PHAX: variants seen among roughly 807,000 people sequenced by gnomAD.
The protein encoded by PHAX is phosphorylated adaptor for RNA export.
A neutral mutation model predicts 41.6 loss-of-function variants in PHAX; 31 were observed. The ratio of observed to expected loss-of-function variants is 0.75; its 90% CI spans 0.56 to 1.01. PHAX has a LOEUF of 1.01. PHAX is among the 50% of genes least tolerant of loss of function. The probability of loss-of-function intolerance (pLI) is 0.00; values close to 1 mark genes in which losing one functional copy is unlikely to be tolerated. For missense variants in PHAX, 453 were observed against 472.9 expected, an observed-to-expected ratio of 0.96 and a Z score of 0.39; for synonymous variants, 175 against 164.9, an observed-to-expected ratio of 1.06 and a Z score of -0.47.
At chr5:126,610,200 C>T (rs569511830) in intron 3 of PHAX, among the ~76,000 whole-genome samples, 3 of 152,354 alleles carry the variant, frequency 2.0e-5, no homozygotes, top group Non-Finnish European at 2.9e-5. Flanking sequence ...GTTTGAGAAG[C>T]TCTTTACTGT....
chr5:126,615,876 C>T (rs904128601), intron 3 of PHAX, among the ~76,000 whole-genome samples: 8 of 151,928 alleles, frequency 5.3e-5, no homozygotes, highest in Admixed American at 2.0e-4. Flanking sequence ...CTTTATAAAA[C>T]GTAACTACCA....
chr5:126,608,008 G>A (rs1039992085), intron 2 of PHAX, among the ~76,000 whole-genome samples: 1 of 152,164 alleles, frequency 6.6e-6, no homozygotes, highest in Non-Finnish European at 1.5e-5. Flanking sequence ...GCTTTTAGGC[G>A]TAATAATTGA....
At chr5:126,611,451 G>C (rs1446169968) in intron 3 of PHAX, among the ~76,000 whole-genome samples, 1 of 152,120 alleles carries the variant, frequency 6.6e-6, no homozygotes, top group East Asian at 1.9e-4. Flanking sequence ...TTGTGGTTGG[G>C]GGAAAGGAAG....
chr5:126,601,149 G>GGAGCTAGGAGCCCGGGCCA lies in PHAX; in HGVS notation c.96+96_96+114dup, dbSNP rs1301158637. ...CAGGCAGCGGTGAGGGTGAGGGGTG[G>GGAGCTAGGAGCCCGGGCCA]GAGCTAGGAGCCCGGGCCAGAGCGA... On this transcript the variant is annotated intron_variant, in intron 1 of 4. Coordinates refer to ENST00000297540, the MANE Select transcript of PHAX (RefSeq NM_032177.4). 5 of 871,268 alleles carry GGAGCTAGGAGCCCGGGCCA rather than the reference G, an allele frequency of 5.7e-6. No homozygotes were observed. The African/African-American group carries it at 7.1e-5, about 12-fold the overall frequency. 54.0% of individuals were successfully genotyped at this position (871,268 alleles called of 1,614,324 possible). A position where few individuals can be genotyped will look rare whatever the true frequency, so the allele number is the denominator to read the frequency against.
intron 3 of PHAX, among the ~76,000 whole-genome samples, chr5:126,613,493 T>C (rs1200995633): frequency 6.6e-6 from 1 of 151,964 alleles, no homozygotes; most frequent in African/African-American, 2.4e-5. Context: ...CTGGGTGACA[T>C]GGTGAAACCT....
At chr5:126,615,509 T>C (rs1752170025) in intron 3 of PHAX, among the ~76,000 whole-genome samples, 1 of 60,698 alleles carries the variant, frequency 1.6e-5, no homozygotes, top group Non-Finnish European at 2.5e-5. Context: ...CATTCTGTGC[T>C]TTTTTTTTTT....
At chr5:126,601,771 A>G (rs1045363079) in intron 1 of PHAX, among the ~76,000 whole-genome samples, 6 of 152,168 alleles carry the variant, frequency 3.9e-5, no homozygotes, top group Admixed American at 1.3e-4. Context: ...GGTTCAAGCG[A>G]TTCTCCTGCC....
intron 4 of PHAX, 127 bp from the exon 5 acceptor site, chr5:126,624,448 A>T (rs1380745124): frequency 1.3e-6 from 1 of 765,048 alleles, no homozygotes; most frequent in East Asian, 2.6e-5. Flanking sequence ...CTCCATCTTA[A>T]TAATGAGCCT....
At chr5:126,611,528 G>A (rs1301519886) in intron 3 of PHAX, among the ~76,000 whole-genome samples, 1 of 152,068 alleles carries the variant, frequency 6.6e-6, no homozygotes, top group Non-Finnish European at 1.5e-5. Flanking sequence ...AGATGCACCT[G>A]TAATCCCAGC....
At chr5:126,614,404 A>G (rs951530525) in intron 3 of PHAX, among the ~76,000 whole-genome samples, 1 of 151,972 alleles carries the variant, frequency 6.6e-6, no homozygotes, top group African/African-American at 2.4e-5. Context: ...GAGTCACCGC[A>G]CCCGGCCACA....
intron 4 of PHAX, among the ~76,000 whole-genome samples, chr5:126,622,513 G>A (rs928306292): frequency 4.0e-5 from 5 of 125,332 alleles, no homozygotes; most frequent in African/African-American, 1.5e-4. Context: ...GGCTGGTCTC[G>A]AACTCCTGAC....
chr5:126,610,575 T>C (rs1752078441), intron 3 of PHAX, among the ~76,000 whole-genome samples: 1 of 152,254 alleles, frequency 6.6e-6, no homozygotes, highest in African/African-American at 2.4e-5. Context: ...AGTACTTCAA[T>C]TTTCATTCAG....
At chr5:126,621,294 C>T (rs1240783150) in intron 4 of PHAX, among the ~76,000 whole-genome samples, 9 of 152,014 alleles carry the variant, frequency 5.9e-5, no homozygotes, top group South Asian at 2.1e-4. Context: ...GCTCAAGTGA[C>T]CCTCTTGCCT....
chr5:126,612,304 A>C (rs572624427), intron 3 of PHAX, among the ~76,000 whole-genome samples: 1 of 152,266 alleles, frequency 6.6e-6, no homozygotes, highest in South Asian at 2.1e-4. Context: ...AAGGTCAGAG[A>C]GATAATTGGG....
chr5:126,601,584 C>T lies in PHAX; in HGVS notation c.96+526C>T, dbSNP rs138706388. On this transcript the variant is annotated intron_variant, in intron 1 of 4. Transcript: ENST00000297540. ...GCCCAGGAATGAAGTTTATCGCTCA[C>T]TCAAAGATCTGGTTTTCCATGTTTC... Among the ~76,000 whole-genome samples, 240 of 152,330 alleles carry T rather than the reference C, an allele frequency of 1.6e-3. 1 individual carries two copies. The highest frequency in any genetic ancestry group is 6.8e-3 in the Middle Eastern group (2 of 294).
chr5:126,603,739 A>G lies in PHAX; in HGVS notation c.266A>G (p.Asn89Ser), dbSNP rs1341320080. Residue 89 changes from asparagine (N) to serine (S), a missense_variant, in exon 2 of 5, where the codon AAC becomes AGC. Transcript: ENST00000297540. ...LWKRKRQKCF[N>S]PPPKPEPFQF... ...AAACGCAAACGACAGAAATGTTTTA[A>G]CCCTCCTCCCAAACCAGAGCCTTTT... 1 of 1,614,080 alleles carries G rather than the reference A, an allele frequency of 6.2e-7. No homozygotes were observed. The highest frequency in any genetic ancestry group is 2.2e-5 in the East Asian group (1 of 44,884).
At chr5:126,602,005 T>C (rs1751911181) in intron 1 of PHAX, among the ~76,000 whole-genome samples, 1 of 151,312 alleles carries the variant, frequency 6.6e-6, no homozygotes, top group Admixed American at 6.6e-5. Context: ...GAGACGAGAT[T>C]TCTCCATGTT....
At chr5:126,607,340 A>G (rs1424246849) in intron 2 of PHAX, among the ~76,000 whole-genome samples, 1 of 150,840 alleles carries the variant, frequency 6.6e-6, no homozygotes, top group African/African-American at 2.4e-5. Flanking sequence ...TTCCACAAAA[A>G]TGCACTGCCT....
intron 4 of PHAX, among the ~76,000 whole-genome samples, chr5:126,617,726 G>A (rs1327002029): frequency 2.6e-5 from 4 of 152,074 alleles, no homozygotes; most frequent in Admixed American, 6.6e-5. Flanking sequence ...CAGTCCGCCC[G>A]TCTCGGCCCC....
Sources: allele counts gnomAD v4.1 joint callset (sites outside exome capture counted in the v4.1 genomes callset), GRCh38; gene constraint gnomAD v4.1.1; transcripts MANE v1.5; gene names NCBI Gene and HGNC (gene_info 2026-07-23, HGNC 2026-07-21).